The following PALM2AKAP2 variants were observed in gnomAD, a reference collection of about 807,000 sequenced individuals.
PALM2AKAP2 encodes the protein PALM2-AKAP2 fusion protein.
Under a neutral mutation model 71.5 loss-of-function variants are expected in PALM2AKAP2, and 37 were observed. The ratio of observed to expected loss-of-function variants is 0.52; its 90% CI spans 0.40 to 0.68. The LOEUF (loss-of-function observed/expected upper bound fraction) is 0.68. Ranked by LOEUF, PALM2AKAP2 falls within the 30% of genes least tolerant of loss-of-function variation. The pLI is 0.00. For synonymous variants in PALM2AKAP2, 468 were observed against 478.8 expected (o/e 0.98, Z 0.29); for missense variants, 1,224 against 1,191.8 (o/e 1.03, Z -0.40).
upstream of PALM2AKAP2, among the ~76,000 whole-genome samples, chr9:109,777,900 G>A (rs116535929): frequency 6.3e-3 from 957 of 152,104 alleles, 8 homozygotes; most frequent in African/African-American, 0.021. Context: ...AGCTGTAACC[G>A]CAAAGTAGAT....
intron 3 of PALM2AKAP2, among the ~76,000 whole-genome samples, chr9:109,911,089 C>T (rs894524257): frequency 1.3e-5 from 2 of 152,026 alleles, no homozygotes; most frequent in Non-Finnish European, 2.9e-5. Context: ...GGGGTGGAGG[C>T]GCTGGCCTTC....
chr9:110,048,311 T>C (rs1833636227), upstream of PALM2AKAP2, among the ~76,000 whole-genome samples: 1 of 151,962 alleles, frequency 6.6e-6, no homozygotes, highest in Non-Finnish European at 1.5e-5. Context: ...CATGCGCACA[T>C]ATGTGTACAC....
intron 3 of PALM2AKAP2, among the ~76,000 whole-genome samples, chr9:109,920,164 C>A (rs997111193): frequency 2.0e-5 from 3 of 152,204 alleles, no homozygotes; most frequent in Admixed American, 6.5e-5. Flanking sequence ...TTTCAAGCCT[C>A]TGCTTGTGTC....
At chr9:110,153,697 C>T (rs551445294) in intron 2 of PALM2AKAP2, among the ~76,000 whole-genome samples, 40 of 152,356 alleles carry the variant, frequency 2.6e-4, no homozygotes, top group African/African-American at 9.1e-4. Flanking sequence ...ATCAGACAGG[C>T]AAGGCTCTAC....
At chr9:109,924,869 T>G (rs560838466) in intron 4 of PALM2AKAP2, among the ~76,000 whole-genome samples, 192 bp from the exon 5 acceptor site, 1 of 152,362 alleles carries the variant, frequency 6.6e-6, no homozygotes, top group Admixed American at 6.5e-5. Context: ...AAATTTAGTA[T>G]AAATTGGGAA....
intron 1 of PALM2AKAP2, among the ~76,000 whole-genome samples, chr9:109,689,093 A>G (rs1564113656): frequency 6.6e-6 from 1 of 152,160 alleles, no homozygotes; most frequent in Non-Finnish European, 1.5e-5. Flanking sequence ...GGCTAGTGGT[A>G]ATAAGAAGAA....
intron 5 of PALM2AKAP2, 74 bp downstream of exon 5, chr9:109,925,156 C>T (rs944355249): frequency 6.3e-7 from 1 of 1,598,978 alleles, no homozygotes. Context: ...TTAACAGGGG[C>T]TTAAGGAAGA....
chr9:109,955,139 G>T (rs535234947), intron 6 of PALM2AKAP2, among the ~76,000 whole-genome samples: 59 of 152,272 alleles, frequency 3.9e-4, no homozygotes, highest in Middle Eastern at 3.4e-3. Flanking sequence ...TTATGGCTGG[G>T]TCAAATAAGT....
At chr9:109,909,567 T>C (rs1340089850) in intron 3 of PALM2AKAP2, among the ~76,000 whole-genome samples, 6 of 152,162 alleles carry the variant, frequency 3.9e-5, no homozygotes. Flanking sequence ...AATTATCCTC[T>C]AGAGGTTTGT....
At chr9:109,912,665 A>T (rs544218736) in intron 3 of PALM2AKAP2, among the ~76,000 whole-genome samples, 6 of 152,356 alleles carry the variant, frequency 3.9e-5, no homozygotes, top group Non-Finnish European at 5.9e-5. Flanking sequence ...GTATTAAGAT[A>T]GATGATAGAT....
At chr9:109,886,780 T>C (rs1390007296) in intron 3 of PALM2AKAP2, among the ~76,000 whole-genome samples, 1 of 152,228 alleles carries the variant, frequency 6.6e-6, no homozygotes, top group Non-Finnish European at 1.5e-5. Flanking sequence ...GAAATGTTAC[T>C]GTTATAGAAG....
At chr9:109,705,440 C>T (rs538581872) in intron 1 of PALM2AKAP2, among the ~76,000 whole-genome samples, 4 of 152,152 alleles carry the variant, frequency 2.6e-5, no homozygotes, top group Admixed American at 6.5e-5. Context: ...CTGGCACCAT[C>T]GCTACTATGT....
intron 1 of PALM2AKAP2, among the ~76,000 whole-genome samples, chr9:109,848,331 C>T (rs60830791): frequency 6.6e-6 from 1 of 152,226 alleles, no homozygotes. Flanking sequence ...TCCTCCTGCT[C>T]TCAGCTGTGG....
upstream of PALM2AKAP2, among the ~76,000 whole-genome samples, chr9:109,778,070 A>G (rs146893206): frequency 1.3e-5 from 2 of 152,284 alleles, no homozygotes; most frequent in East Asian, 3.9e-4. Flanking sequence ...CAAAACTTAA[A>G]ATTTACCATT....
intron 6 of PALM2AKAP2, among the ~76,000 whole-genome samples, chr9:109,971,689 G>T (rs1210567984): frequency 6.6e-6 from 1 of 152,138 alleles, no homozygotes; most frequent in Non-Finnish European, 1.5e-5. Flanking sequence ...GCCTCCCAGA[G>T]TGCTGGGATT....
chr9:109,681,835 T>C (rs980662414), intron 1 of PALM2AKAP2, among the ~76,000 whole-genome samples: 9 of 152,136 alleles, frequency 5.9e-5, no homozygotes, highest in Non-Finnish European at 1.2e-4. Flanking sequence ...GAGAAGACCA[T>C]TATGAATTTT....
intron 1 of PALM2AKAP2, among the ~76,000 whole-genome samples, chr9:110,091,180 A>G (rs917495141): frequency 2.0e-5 from 3 of 152,124 alleles, no homozygotes; most frequent in Non-Finnish European, 4.4e-5. Context: ...AATCCTGTCT[A>G]TATCAGTGTA....
intron 1 of PALM2AKAP2, among the ~76,000 whole-genome samples, chr9:109,682,737 C>T (rs150429765): frequency 6.6e-6 from 1 of 152,300 alleles, no homozygotes; most frequent in African/African-American, 2.4e-5. Context: ...TTGTATTTTG[C>T]ACCAAGTGGA....
chr9:109,984,450 G>A lies in PALM2AKAP2; in HGVS notation c.497-31504G>A, dbSNP rs561991220. On this transcript the variant is annotated intron_variant, in intron 6 of 9. Transcript: ENST00000302798. ...AGGTGGGAGGATCACTTGAGGCTGG[G>A]AGTTCGAGACCAATTTGAGTAACAA... Among the ~76,000 whole-genome samples the A allele has an allele frequency of 1.5e-4, 23 of 152,014 alleles. No individual in the cohort carries two copies. In the East Asian group the frequency reaches 4.2e-3, roughly 28 times the overall value.
Sources: gnomAD v4.1 joint callset for allele counts (sites outside exome capture counted in the v4.1 genomes callset) on GRCh38, gnomAD v4.1.1 for gene constraint, MANE v1.5 for transcripts, NCBI Gene and HGNC (gene_info 2026-07-23, HGNC 2026-07-21) for gene names.